Variants in ADCYAP1R1 observed in about 807,000 individuals in gnomAD.
ADCYAP1R1 encodes ADCYAP receptor type I.
Under a neutral mutation model 67.6 loss-of-function variants are expected in ADCYAP1R1, and 44 were observed. The ratio of observed to expected loss-of-function variants is 0.65; its 90% confidence interval spans 0.51 to 0.84. The LOEUF is 0.84. ADCYAP1R1 is among the 40% of genes least tolerant of loss of function. ADCYAP1R1 has a pLI of 0.00. For synonymous variants in ADCYAP1R1, 222 were observed against 219.6 expected (o/e 1.01, Z -0.10); for missense variants, 477 against 587.9 (o/e 0.81, Z 1.95).
rs1796677369 is a variant in ADCYAP1R1, at chr7:31,107,027, A to T, written c.*343A>T. The T allele has an allele frequency of 3.8e-6, 1 of 263,232 alleles. No individual in the cohort carries two copies. 16.3% of individuals were successfully genotyped at this position (263,232 alleles called of 1,614,324 possible). ...CACTGTTTCTTGGTCAGCCTCAGTG[A>T]TGGCCTGACCCCAGCTGTGAGGCCT... On this transcript the variant is annotated 3_prime_UTR_variant, in exon 16 of 16. Transcript: ENST00000304166.
At chr7:31,060,377 A>G (rs913015057) in intron 1 of ADCYAP1R1, among the ~76,000 whole-genome samples, 1 of 152,154 alleles carries the variant, frequency 6.6e-6, no homozygotes, top group Non-Finnish European at 1.5e-5. Context: ...CTACAGTCTG[A>G]TATGTGACAT....
intron 5 of ADCYAP1R1, 86 bp from the exon 6 acceptor site, chr7:31,081,627 T>C: frequency 9.1e-7 from 1 of 1,101,232 alleles, no homozygotes; most frequent in Non-Finnish European, 1.3e-6. Context: ...AGACCAGGGG[T>C]AGCCTGAGCC....
intron 1 of ADCYAP1R1, among the ~76,000 whole-genome samples, chr7:31,057,808 C>T (rs1333968478): frequency 6.6e-6 from 1 of 152,202 alleles, no homozygotes; most frequent in African/African-American, 2.4e-5. Flanking sequence ...TCCAGCTCCC[C>T]TGTCATGAGT....
At chr7:31,072,726 G>A (rs1220129818) in intron 3 of ADCYAP1R1, among the ~76,000 whole-genome samples, 1 of 152,134 alleles carries the variant, frequency 6.6e-6, no homozygotes, top group Non-Finnish European at 1.5e-5. Context: ...AGAGGCCCAC[G>A]TCATCCTAAT....
At chr7:31,058,874 A>G (rs528272058) in intron 1 of ADCYAP1R1, among the ~76,000 whole-genome samples, 6 of 152,034 alleles carry the variant, frequency 3.9e-5, no homozygotes, top group Non-Finnish European at 8.8e-5. Flanking sequence ...CCTACCAGGG[A>G]CTTGCTGTGT....
intron 12 of ADCYAP1R1, among the ~76,000 whole-genome samples, chr7:31,090,333 T>A (rs1348952646): frequency 6.6e-6 from 1 of 152,238 alleles, no homozygotes; most frequent in Non-Finnish European, 1.5e-5. Flanking sequence ...TTTAATTATA[T>A]TTTCTCCTTT....
intron 3 of ADCYAP1R1, among the ~76,000 whole-genome samples, chr7:31,068,111 G>A (rs1302617923): frequency 1.3e-5 from 2 of 152,178 alleles, no homozygotes; most frequent in Non-Finnish European, 2.9e-5. Flanking sequence ...AGGGTGGAAA[G>A]GGAGCAGTGA....
intron 13 of ADCYAP1R1, among the ~76,000 whole-genome samples, chr7:31,097,872 T>C (rs961805143): frequency 1.3e-5 from 2 of 151,940 alleles, no homozygotes; most frequent in Non-Finnish European, 2.9e-5. Context: ...GGTTGAGGGG[T>C]CACTGGCCGT....
chr7:31,071,171 CA>C (rs1458315011), intron 3 of ADCYAP1R1, among the ~76,000 whole-genome samples: 3 of 152,150 alleles, frequency 2.0e-5, no homozygotes, highest in Non-Finnish European at 4.4e-5. Flanking sequence ...TGGAACTGGA[CA>C]AAATCATCAC....
rs376002469 is a variant in ADCYAP1R1 at position 31,110,283 on chromosome 7, A to T, written c.*3599A>T. The T allele has an allele frequency of 6.6e-5, 10 of 152,108 alleles. No homozygotes were observed. Among genetic ancestry groups the T allele is most frequent in the Admixed American group, 1.3e-4 (2 of 15,274 alleles). 9.4% of individuals were successfully genotyped at this position (152,108 alleles called of 1,614,324 possible). On this transcript the variant is annotated 3_prime_UTR_variant, in exon 16 of 16. Transcript: ENST00000304166. Reference sequence around the variant, plus strand: ...AAAGTCCTCCTTGAGCCCAGGGACCATGGAAGTCAGCTAGAAGAGCCCTGA... The same window carrying T: ...AAAGTCCTCCTTGAGCCCAGGGACCTTGGAAGTCAGCTAGAAGAGCCCTGA...
chr7:31,087,096 G>A (rs1445493194), intron 11 of ADCYAP1R1, 93 bp downstream of exon 11: 40 of 1,393,170 alleles, frequency 2.9e-5, no homozygotes, highest in Admixed American at 1.2e-4. Flanking sequence ...TGAACTGCCC[G>A]CAACAAACCA....
intron 1 of ADCYAP1R1, among the ~76,000 whole-genome samples, chr7:31,055,086 C>T (rs1182698014): frequency 2.6e-5 from 4 of 152,144 alleles, no homozygotes; most frequent in Non-Finnish European, 5.9e-5. Flanking sequence ...GTGACAGCCA[C>T]CCCCACAGTG....
intron 12 of ADCYAP1R1, among the ~76,000 whole-genome samples, chr7:31,088,256 T>A (rs1795833332): frequency 6.6e-6 from 1 of 152,232 alleles, no homozygotes; most frequent in Non-Finnish European, 1.5e-5. Context: ...TTATTTCTCT[T>A]GTTCAGTTTT....
intron 3 of ADCYAP1R1, among the ~76,000 whole-genome samples, chr7:31,065,188 G>C (rs1056528455): frequency 3.9e-5 from 6 of 152,190 alleles, no homozygotes; most frequent in Non-Finnish European, 8.8e-5. Context: ...TCCCACAGGA[G>C]CTGGGATAGC....
At position 31,086,816 on chromosome 7, in the gene ADCYAP1R1, A is replaced by C; in HGVS notation, c.824-127A>C. On this transcript the variant is annotated intron_variant, in intron 10 of 15. Transcript: ENST00000304166. The surrounding 1 kb of genome is among the most constrained non-coding windows in gnomAD (Gnocchi z 5.0). ...CTCAGGAGGCCTGGGTGTGAGGGAC[A>C]GTTAGAATTCCCAGGAATTCCAAGT... The C allele has an allele frequency of 9.3e-7, 1 of 1,075,534 alleles. No individual in the cohort carries two copies. Among genetic ancestry groups the C allele is most frequent in the East Asian group, 2.4e-5 (1 of 42,330 alleles). 66.6% of individuals were successfully genotyped at this position (1,075,534 alleles called of 1,614,324 possible).
At chr7:31,100,177 C>G in intron 13 of ADCYAP1R1, 2 of 1,550,628 alleles carry the variant, frequency 1.3e-6, no homozygotes, top group Non-Finnish European at 1.7e-6. Flanking sequence ...CAGCAGCACT[C>G]TTGCAAGATG....
chr7:31,087,982 G>A (rs151273821), intron 12 of ADCYAP1R1, among the ~76,000 whole-genome samples: 1 of 152,314 alleles, frequency 6.6e-6, no homozygotes, highest in East Asian at 1.9e-4. Flanking sequence ...TGGAATTGCT[G>A]GGTTGAAAGG....
rs534082982 is a variant in ADCYAP1R1 at position 31,102,222 on chromosome 7, G to A, written c.1047-1015G>A. ...GCTGTCCACCCCGGGGGACTTAGCT[G>A]TGCTGGGAGATGGGGAGGCTGATCC... On this transcript the variant is annotated intron_variant, in intron 13 of 15. Coordinates refer to ENST00000304166, the MANE Select transcript of ADCYAP1R1 (RefSeq NM_001118.5). The surrounding 1 kb of genome is among the most constrained non-coding windows in gnomAD (Gnocchi z 4.3). Among the ~76,000 whole-genome samples the A allele has an allele frequency of 1.3e-5, 2 of 152,368 alleles. No individual in the cohort carries two copies. The highest frequency in any genetic ancestry group is 6.5e-5 in the Admixed American group (1 of 15,312).
chr7:31,083,412 ACC>A (rs1795596150), intron 6 of ADCYAP1R1, among the ~76,000 whole-genome samples: 2 of 152,104 alleles, frequency 1.3e-5, no homozygotes, highest in Non-Finnish European at 2.9e-5. Context: ...GACTGATCCC[ACC>A]CCCTCGAGTG....
Sources: gnomAD v4.1 joint callset for allele counts (sites outside exome capture counted in the v4.1 genomes callset) on GRCh38, gnomAD v4.1.1 for gene constraint, Gnocchi (gnomAD v3.1) non-coding constraint, MANE v1.5 for transcripts, NCBI Gene and HGNC (gene_info 2026-07-23, HGNC 2026-07-21) for gene names.